The following JMJD1C variants were observed in gnomAD, a reference collection of about 807,000 sequenced individuals.
JMJD1C encodes jumonji domain-containing protein 1C.
A neutral mutation model predicts 245.3 loss-of-function variants in JMJD1C; 31 were observed. That is an observed-to-expected ratio of 0.13 (90% confidence interval 0.09 to 0.17). The LOEUF (loss-of-function observed/expected upper bound fraction) is 0.17, where lower values mean the gene tolerates loss of function less well. Among genes scored for constraint, JMJD1C ranks in the 10% least tolerant of loss-of-function variants. The pLI is 1.00. For synonymous variants in JMJD1C, 1,057 were observed against 1,017.4 expected (o/e 1.04, Z -0.74); for missense variants, 2,691 against 3,000.2 (o/e 0.90, Z 2.41).
intron 3 of JMJD1C, among the ~76,000 whole-genome samples, chr10:63,233,637 A>G (rs919906090): frequency 4.0e-5 from 6 of 151,672 alleles, no homozygotes; most frequent in African/African-American, 1.5e-4. Flanking sequence ...TCTTGGCTCA[A>G]ATGATCACAA....
intron 2 of JMJD1C, among the ~76,000 whole-genome samples, chr10:63,296,785 C>T (rs1303938498): frequency 6.6e-6 from 1 of 152,068 alleles, no homozygotes; most frequent in African/African-American, 2.4e-5. Flanking sequence ...GCTAGTAAGC[C>T]TAGTTATCTA....
At chr10:63,204,215 T>C (rs1018017770) in intron 10 of JMJD1C, 22 of 985,126 alleles carry the variant, frequency 2.2e-5, no homozygotes, top group African/African-American at 1.7e-4. Flanking sequence ...ACATCTAATA[T>C]TGACTTAATA....
chr10:63,382,641 G>T (rs925725560), intron 1 of JMJD1C, among the ~76,000 whole-genome samples: 1 of 152,162 alleles, frequency 6.6e-6, no homozygotes, highest in Non-Finnish European at 1.5e-5. Flanking sequence ...AACAAGACAA[G>T]GATGTTATAA....
At chr10:63,217,005 T>A (rs1027007128) in intron 5 of JMJD1C, among the ~76,000 whole-genome samples, 4 of 152,196 alleles carry the variant, frequency 2.6e-5, no homozygotes, top group African/African-American at 9.6e-5. Context: ...TTATCAGTGT[T>A]GAAATAAATT....
intron 2 of JMJD1C, among the ~76,000 whole-genome samples, chr10:63,338,079 A>C (rs1408164964): frequency 1.3e-5 from 2 of 152,210 alleles, no homozygotes; most frequent in African/African-American, 4.8e-5. Context: ...GACCAACATA[A>C]ATAAACAGAA....
At chr10:63,461,389 G>A (rs1952788407) in intron 1 of JMJD1C, among the ~76,000 whole-genome samples, 1 of 152,022 alleles carries the variant, frequency 6.6e-6, no homozygotes, top group Admixed American at 6.6e-5. Flanking sequence ...CAATATAAAT[G>A]TCAGACTGAC....
chr10:63,254,122 G>GT (rs985881259), intron 3 of JMJD1C, among the ~76,000 whole-genome samples: 2 of 152,010 alleles, frequency 1.3e-5, no homozygotes, highest in Non-Finnish European at 2.9e-5. Flanking sequence ...TCATTTTAAA[G>GT]TATTTTATTT....
At chr10:63,445,045 A>T (rs1278620283) in intron 1 of JMJD1C, among the ~76,000 whole-genome samples, 1 of 152,072 alleles carries the variant, frequency 6.6e-6, no homozygotes, top group South Asian at 2.1e-4. Context: ...TGGGCAACAT[A>T]GTGATACCCA....
chr10:63,327,952 G>A (rs1941716434), intron 2 of JMJD1C, among the ~76,000 whole-genome samples: 2 of 152,016 alleles, frequency 1.3e-5, no homozygotes, highest in African/African-American at 4.8e-5. Context: ...TTACAGGTGT[G>A]AGCCACCATG....
At chr10:63,205,713 C>T (rs181545368) in intron 10 of JMJD1C, among the ~76,000 whole-genome samples, 12 of 152,248 alleles carry the variant, frequency 7.9e-5, no homozygotes, top group East Asian at 7.7e-4. Context: ...GTACTTTATA[C>T]TGTAGATAAT....
At chr10:63,239,326 A>T (rs184504874) in intron 3 of JMJD1C, among the ~76,000 whole-genome samples, 1 of 152,326 alleles carries the variant, frequency 6.6e-6, no homozygotes, top group East Asian at 1.9e-4. Flanking sequence ...CTAGGCGGGT[A>T]AGGATGGGAG....
rs1316281216 is a variant in JMJD1C at position 63,465,926 on chromosome 10, G to T, written c.-264C>A. On this transcript the variant is annotated 5_prime_UTR_variant, in exon 1 of 26. Coordinates refer to ENST00000399262, the MANE Select transcript of JMJD1C (RefSeq NM_032776.3). ...AACTGAAACAAAACCCAACGCGGCC[G>T]TCGAAGACCCCGAGGCAGCCCAGCC... 5.0e-6 allele frequency: 3 copies of T among 595,338 alleles called. No individual in the cohort carries two copies. The African/African-American group carries it at 5.5e-5, about 11-fold the overall frequency. 36.9% of individuals were successfully genotyped at this position (595,338 alleles called of 1,614,324 possible). A position where few individuals can be genotyped will look rare whatever the true frequency, so the allele number is the denominator to read the frequency against.
Position 63,213,477 on chromosome 10 carries a change from C to G in JMJD1C, c.2690G>C (p.Arg897Thr), listed in dbSNP as rs532717116. The change falls in exon 8 of 26, where the codon AGG becomes ACG. Residue 897 changes from arginine (R) to threonine (T), a missense_variant. Transcript: ENST00000399262. ...GCAAACTACAGTGTAACTTACCCTCCTTAATGAAGCTTCAGCATTAACTGC... is the reference window on the plus strand; with the variant it reads ...GCAAACTACAGTGTAACTTACCCTCGTTAATGAAGCTTCAGCATTAACTGC... ...ENAVNAEASL[R>T]RNSPSPWLHQ... 2.3e-5 allele frequency: 37 copies of G among 1,579,708 alleles called. No individual in the cohort carries two copies. The Admixed American group carries it at 4.7e-4, about 20-fold the overall frequency.
rs7079689 is a variant in JMJD1C, at chr10:63,460,585, T to C, written c.168+4910A>G. On this transcript the variant is annotated intron_variant, in intron 1 of 25. Transcript: ENST00000399262. ...TGAATTAAAATATTCAAGTAACTTATGACATTCCTTTATTATTCCATAAGC... is the reference window on the plus strand; with the variant it reads ...TGAATTAAAATATTCAAGTAACTTACGACATTCCTTTATTATTCCATAAGC... Among the ~76,000 whole-genome samples, 1,117 of 152,294 alleles carry C rather than the reference T, an allele frequency of 7.3e-3. 19 individuals are homozygous for C. Among genetic ancestry groups the C allele is most frequent in the African/African-American group, 0.025 (1,045 of 41,564 alleles).
At chr10:63,353,906 T>A (rs1944582027) in intron 2 of JMJD1C, among the ~76,000 whole-genome samples, 1 of 152,006 alleles carries the variant, frequency 6.6e-6, no homozygotes, top group African/African-American at 2.4e-5. Flanking sequence ...AGTGGTGCCA[T>A]CTCAGCTCAC....
chr10:63,204,031 C>T (rs950548272), intron 10 of JMJD1C: 6 of 964,016 alleles, frequency 6.2e-6, no homozygotes, highest in Middle Eastern at 5.3e-4. Flanking sequence ...AGGAGGATTG[C>T]CTGAGCCCAG....
intron 2 of JMJD1C, among the ~76,000 whole-genome samples, chr10:63,296,303 C>T (rs1360665321): frequency 6.6e-6 from 1 of 152,004 alleles, no homozygotes; most frequent in Non-Finnish European, 1.5e-5. Context: ...AGACACCATG[C>T]CTGGCTATCT....
intron 1 of JMJD1C, among the ~76,000 whole-genome samples, chr10:63,482,394 G>A (rs1304708532): frequency 6.6e-6 from 1 of 152,154 alleles, no homozygotes; most frequent in African/African-American, 2.4e-5. Context: ...CCAGCACTTT[G>A]GGAAGCTGAG....
At chr10:63,246,042 C>A (rs1852162452) in intron 3 of JMJD1C, among the ~76,000 whole-genome samples, 2 of 150,848 alleles carry the variant, frequency 1.3e-5, no homozygotes, top group South Asian at 4.2e-4. Flanking sequence ...AAGAAAAAAA[C>A]AACAATGAAA....
Sources: gnomAD v4.1 joint callset for allele counts (sites outside exome capture counted in the v4.1 genomes callset) on GRCh38, gnomAD v4.1.1 for gene constraint, MANE v1.5 for transcripts, NCBI Gene and HGNC (gene_info 2026-07-23, HGNC 2026-07-21) for gene names.